DLG2: variants seen among roughly 807,000 people sequenced by gnomAD.
The protein encoded by DLG2 is discs large MAGUK scaffold protein 2.
Under a neutral mutation model 132.5 loss-of-function variants are expected in DLG2, and 45 were observed. The ratio of observed to expected loss-of-function variants is 0.34; its 90% CI spans 0.27 to 0.44. The LOEUF (loss-of-function observed/expected upper bound fraction) is 0.44. Among genes scored for constraint, DLG2 ranks in the 20% least tolerant of loss-of-function variants. The probability of loss-of-function intolerance (pLI) is 1.00; values close to 1 mark genes in which losing one functional copy is unlikely to be tolerated. For synonymous variants in DLG2, 424 were observed against 419.6 expected (o/e 1.01, Z -0.13); for missense variants, 1,045 against 1,196.9 (o/e 0.87, Z 1.87).
chr11:85,495,172 T>A (rs748893384), intron 3 of DLG2, among the ~76,000 whole-genome samples: 6 of 152,126 alleles, frequency 3.9e-5, no homozygotes, highest in Non-Finnish European at 5.9e-5. Context: ...TTGGCAAAAG[T>A]ACTGACAATA....
chr11:83,629,680 A>G (rs914831723), intron 19 of DLG2, among the ~76,000 whole-genome samples: 1 of 152,160 alleles, frequency 6.6e-6, no homozygotes, highest in Admixed American at 6.5e-5. Context: ...AGCTTTTATC[A>G]GCTAGTAGAT....
intron 12 of DLG2, among the ~76,000 whole-genome samples, chr11:83,979,626 A>G (rs2092603587): frequency 6.6e-6 from 1 of 152,172 alleles, no homozygotes; most frequent in South Asian, 2.1e-4. Flanking sequence ...ACTGCCTAGG[A>G]CTACTGAAGC....
At chr11:85,176,668 G>C (rs528761089) in intron 4 of DLG2, among the ~76,000 whole-genome samples, 5 of 152,240 alleles carry the variant, frequency 3.3e-5, no homozygotes, top group African/African-American at 1.2e-4. Context: ...TCATCAGAGT[G>C]AACAGACAAC....
intron 9 of DLG2, among the ~76,000 whole-genome samples, chr11:84,136,833 T>G (rs1469178340): frequency 6.6e-6 from 1 of 152,150 alleles, no homozygotes; most frequent in African/African-American, 2.4e-5. Flanking sequence ...ATTCATTTGC[T>G]GGGAGCTGAA....
chr11:84,061,801 C>T (rs1280982000), intron 10 of DLG2, among the ~76,000 whole-genome samples: 1 of 147,014 alleles, frequency 6.8e-6, no homozygotes, highest in African/African-American at 2.5e-5. Flanking sequence ...TTCATCATAA[C>T]AGATGCTATG....
At chr11:85,484,850 G>C (rs2093390947) in intron 3 of DLG2, among the ~76,000 whole-genome samples, 1 of 150,792 alleles carries the variant, frequency 6.6e-6, no homozygotes, top group Admixed American at 6.6e-5. Flanking sequence ...TCCCATTACT[G>C]GGTATATACC....
chr11:84,383,494 C>T (rs1179302996), intron 7 of DLG2, among the ~76,000 whole-genome samples: 3 of 152,022 alleles, frequency 2.0e-5, no homozygotes, highest in Non-Finnish European at 4.4e-5. Flanking sequence ...ATATCATGCC[C>T]ATGATTACCT....
chr11:84,630,107 A>G (rs567800861), intron 6 of DLG2, among the ~76,000 whole-genome samples: 1 of 152,286 alleles, frequency 6.6e-6, no homozygotes, highest in Admixed American at 6.5e-5. Flanking sequence ...TTTCAGGCTC[A>G]AGTAATGAGT....
At chr11:83,512,092 C>G (rs1431166385) in intron 21 of DLG2, among the ~76,000 whole-genome samples, 3 of 152,120 alleles carry the variant, frequency 2.0e-5, no homozygotes, top group Non-Finnish European at 4.4e-5. Context: ...GGAGACAGCT[C>G]AAAGGCACCA....
intron 3 of DLG2, among the ~76,000 whole-genome samples, chr11:85,317,788 G>C (rs2080789233): frequency 6.6e-6 from 1 of 151,730 alleles, no homozygotes; most frequent in Non-Finnish European, 1.5e-5. Context: ...GGAAAGGATG[G>C]AGAAAAATAA....
intron 7 of DLG2, among the ~76,000 whole-genome samples, chr11:84,398,103 G>A (rs965240151): frequency 7.2e-5 from 11 of 152,168 alleles, no homozygotes; most frequent in Admixed American, 1.3e-4. Context: ...AGGCTTCCTT[G>A]TACTTTTGCT....
intron 7 of DLG2, among the ~76,000 whole-genome samples, chr11:84,470,468 T>A (rs922876605): frequency 1.3e-5 from 2 of 151,740 alleles, no homozygotes; most frequent in African/African-American, 4.8e-5. Flanking sequence ...AAGAATGGCA[T>A]GTCAACTAAC....
At chr11:85,576,750 G>A (rs1302363982) in intron 3 of DLG2, among the ~76,000 whole-genome samples, 1 of 152,000 alleles carries the variant, frequency 6.6e-6, no homozygotes, top group Non-Finnish European at 1.5e-5. Context: ...CATTACAGTT[G>A]GGAGGGAACA....
At chr11:83,773,804 G>A (rs535647543) in intron 18 of DLG2, among the ~76,000 whole-genome samples, 2 of 152,180 alleles carry the variant, frequency 1.3e-5, no homozygotes, top group African/African-American at 4.8e-5. Flanking sequence ...TGCTCCTCTA[G>A]GCACTTCGGA....
chr11:85,509,483 T>G (rs2153152581), intron 3 of DLG2, among the ~76,000 whole-genome samples: 1 of 152,142 alleles, frequency 6.6e-6, no homozygotes, highest in South Asian at 2.1e-4. Context: ...ACCAGGACGG[T>G]GGAGGGCTCT....
chr11:84,744,284 A>T (rs961926296), intron 6 of DLG2, among the ~76,000 whole-genome samples: 1 of 152,204 alleles, frequency 6.6e-6, no homozygotes, highest in East Asian at 1.9e-4. Context: ...TTCTATACAT[A>T]GAAATACCTT....
At chr11:84,634,279 C>A (rs568198935) in intron 6 of DLG2, among the ~76,000 whole-genome samples, 1 of 152,148 alleles carries the variant, frequency 6.6e-6, no homozygotes, top group Non-Finnish European at 1.5e-5. Flanking sequence ...TTTTGACATT[C>A]TGAGTTGGTA....
intron 6 of DLG2, among the ~76,000 whole-genome samples, chr11:84,778,207 G>A (rs2071050636): frequency 6.6e-6 from 1 of 152,242 alleles, no homozygotes; most frequent in East Asian, 1.9e-4. Flanking sequence ...TTATTGAAAA[G>A]AGTATCCTTT....
chr11:84,786,748 A>G (rs904201819), intron 6 of DLG2, among the ~76,000 whole-genome samples: 1 of 152,208 alleles, frequency 6.6e-6, no homozygotes, highest in Non-Finnish European at 1.5e-5. Flanking sequence ...AATAGGGCAG[A>G]CAGTTGCAGA....
Sources: gnomAD v4.1 joint callset for allele counts (sites outside exome capture counted in the v4.1 genomes callset) on GRCh38, gnomAD v4.1.1 for gene constraint, MANE v1.5 for transcripts, NCBI Gene and HGNC (gene_info 2026-07-23, HGNC 2026-07-21) for gene names.